Variants in DUSP13B observed in about 807,000 individuals in gnomAD.
DUSP13B encodes the protein dual specificity protein phosphatase 13B.
the DUSP13B span, chr10:75,105,592 T>A: frequency 2.2e-6 from 3 of 1,394,690 alleles, no homozygotes; most frequent in East Asian, 2.5e-5. Flanking sequence ...CAATCCTATG[T>A]CTGCAGCCTA....
chr10:75,099,131 G>A, the DUSP13B span: 1 of 1,232,272 alleles, frequency 8.1e-7, no homozygotes, highest in Non-Finnish European at 1.0e-6. Flanking sequence ...CTGCGGAGCT[G>A]GATTTTCAGC....
the DUSP13B span, among the ~76,000 whole-genome samples, chr10:75,104,502 C>A: frequency 6.6e-6 from 1 of 152,142 alleles, no homozygotes; most frequent in Admixed American, 6.5e-5. Context: ...GGTCAGAGGT[C>A]AGGGAGCCTA....
the DUSP13B span, chr10:75,109,180 G>C: frequency 1.2e-4 from 190 of 1,542,672 alleles, no homozygotes; most frequent in East Asian, 3.9e-3. Flanking sequence ...CCACCCCTCT[G>C]CCTCTGTGGT....
chr10:75,099,844 C>G, the DUSP13B span: 1 of 162,178 alleles, frequency 6.2e-6, no homozygotes, highest in South Asian at 2.0e-4. Context: ...AGTTTATCTT[C>G]CCATGCTAGG....
chr10:75,097,721 A>T, the DUSP13B span: 1 of 1,579,542 alleles, frequency 6.3e-7, no homozygotes, highest in Admixed American at 1.8e-5. Context: ...CGCATCTCCC[A>T]GGAAGAGGCT....
At chr10:75,104,307 C>T in the DUSP13B span, among the ~76,000 whole-genome samples, 1 of 152,158 alleles carries the variant, frequency 6.6e-6, no homozygotes, top group Non-Finnish European at 1.5e-5. Context: ...TCCCCATGGG[C>T]CCCTTATCTT....
chr10:75,097,824 A>G, the DUSP13B span: 6 of 1,613,648 alleles, frequency 3.7e-6, no homozygotes, highest in Admixed American at 8.3e-5. Flanking sequence ...TGGTAGGGAG[A>G]TGCCTGGACT....
chr10:75,095,782 C>G, the DUSP13B span: 12 of 1,614,126 alleles, frequency 7.4e-6, no homozygotes, highest in Admixed American at 6.7e-5. Context: ...TTGCTCTTGT[C>G]CCGGGCTGCG....
the DUSP13B span, among the ~76,000 whole-genome samples, chr10:75,102,891 G>A: frequency 1.3e-5 from 2 of 152,186 alleles, no homozygotes; most frequent in Non-Finnish European, 2.9e-5. Context: ...GGTGGGGGTT[G>A]TAGTGAGCTG....
the DUSP13B span, chr10:75,108,218 G>A: frequency 1.3e-6 from 2 of 1,585,918 alleles, no homozygotes; most frequent in African/African-American, 2.7e-5. Context: ...CCCTGGGGAG[G>A]GCAGGAAGGG....
chr10:75,100,591 C>T, the DUSP13B span, among the ~76,000 whole-genome samples: 5 of 152,166 alleles, frequency 3.3e-5, no homozygotes, highest in African/African-American at 9.7e-5. Flanking sequence ...GGCCCAACGT[C>T]CAGCAGGGCC....
At chr10:75,104,568 G>A in the DUSP13B span, among the ~76,000 whole-genome samples, 1 of 152,186 alleles carries the variant, frequency 6.6e-6, no homozygotes, top group Non-Finnish European at 1.5e-5. Context: ...CTGATGCTCC[G>A]CCAGGTTCCT....
chr10:75,105,907 A>G, the DUSP13B span: 1 of 1,531,112 alleles, frequency 6.5e-7, no homozygotes, highest in South Asian at 1.2e-5. Flanking sequence ...TGTCCCACAC[A>G]CCGGCCCACC....
the DUSP13B span, chr10:75,097,569 G>A: frequency 2.7e-6 from 2 of 746,146 alleles, no homozygotes; most frequent in Non-Finnish European, 3.9e-6. Flanking sequence ...TAATATAAAA[G>A]GAAAGAAACA....
chr10:75,094,804 C>T, the DUSP13B span: 2 of 1,614,168 alleles, frequency 1.2e-6, no homozygotes, highest in South Asian at 1.1e-5. Context: ...GTCATGTTCT[C>T]ACAGATCATG....
At chr10:75,095,531 A>G in the DUSP13B span, 1 of 1,569,044 alleles carries the variant, frequency 6.4e-7, no homozygotes, top group Middle Eastern at 2.0e-4. Flanking sequence ...GAGAGTCCTA[A>G]AGCACACCCT....
the DUSP13B span, among the ~76,000 whole-genome samples, chr10:75,102,946 C>T: frequency 6.6e-6 from 1 of 152,048 alleles, no homozygotes. Flanking sequence ...GAACGAAACT[C>T]CGTCTCCAAA....
the DUSP13B span, among the ~76,000 whole-genome samples, chr10:75,102,725 G>A: frequency 6.6e-6 from 1 of 152,150 alleles, no homozygotes; most frequent in Non-Finnish European, 1.5e-5. Context: ...GGCCGAGGTG[G>A]GCGGATCACC....
chr10:75,094,612 G>T, the DUSP13B span: 2 of 1,565,016 alleles, frequency 1.3e-6, no homozygotes, highest in Non-Finnish European at 1.7e-6. Context: ...AGCAGAGCCT[G>T]CTGTTCCCAG....
Sources: allele counts gnomAD v4.1 joint callset (sites outside exome capture counted in the v4.1 genomes callset), GRCh38; gene constraint gnomAD v4.1.1; transcripts MANE v1.5; gene names NCBI Gene and HGNC (gene_info 2026-07-23, HGNC 2026-07-21).